SLC9A9: variants seen among roughly 807,000 people sequenced by gnomAD.
SLC9A9 encodes solute carrier family 9 member A9.
A neutral mutation model predicts 77.8 loss-of-function variants in SLC9A9; 62 were observed. The observed-to-expected ratio is 0.80, with a 90% CI of 0.65 to 0.98. The LOEUF is 0.98. Among genes scored for constraint, SLC9A9 ranks in the 50% least tolerant of loss-of-function variants. The pLI is 0.00. For synonymous variants in SLC9A9, 320 were observed against 283.5 expected (o/e 1.13, Z -1.29); for missense variants, 775 against 774.9 (o/e 1.00, Z 0.00).
intron 4 of SLC9A9, among the ~76,000 whole-genome samples, chr3:143,755,215 C>T (rs1199146455): frequency 6.6e-6 from 1 of 152,156 alleles, no homozygotes; most frequent in African/African-American, 2.4e-5. Context: ...GGATGATCCC[C>T]AGCAGCCCCT....
intron 12 of SLC9A9, among the ~76,000 whole-genome samples, chr3:143,402,447 G>GTT (rs11292780): frequency 8.2e-5 from 9 of 110,378 alleles, no homozygotes; most frequent in East Asian, 2.7e-4. Flanking sequence ...GCACCTTTGT[G>GTT]TTTTTTTTTT....
intron 3 of SLC9A9, 37 bp from the exon 4 acceptor site, chr3:143,795,114 G>C: frequency 1.3e-6 from 2 of 1,567,150 alleles, no homozygotes; most frequent in Non-Finnish European, 1.8e-6. Flanking sequence ...GAGTACATCA[G>C]AATTTTTTCT....
At chr3:143,617,021 C>G (rs547404416) in intron 6 of SLC9A9, among the ~76,000 whole-genome samples, 1 of 152,154 alleles carries the variant, frequency 6.6e-6, no homozygotes, top group East Asian at 1.9e-4. Context: ...CAAGAGGGCA[C>G]CTAACACAGC....
intron 9 of SLC9A9, among the ~76,000 whole-genome samples, chr3:143,541,593 G>C (rs145380630): frequency 1.6e-3 from 245 of 152,316 alleles, no homozygotes; most frequent in African/African-American, 5.8e-3. Flanking sequence ...TTTAGAGGCA[G>C]GTGCTGTGTA....
chr3:143,603,382 T>C (rs756890689), intron 6 of SLC9A9, among the ~76,000 whole-genome samples: 2 of 152,226 alleles, frequency 1.3e-5, no homozygotes, highest in Non-Finnish European at 2.9e-5. Flanking sequence ...ACTAGGGTGG[T>C]CTGTGTGACC....
chr3:143,408,123 G>C (rs1237428012), intron 12 of SLC9A9, among the ~76,000 whole-genome samples: 2 of 152,136 alleles, frequency 1.3e-5, no homozygotes, highest in African/African-American at 4.8e-5. Context: ...TCAGATCGGG[G>C]CCCAATGTTT....
intron 6 of SLC9A9, among the ~76,000 whole-genome samples, chr3:143,629,611 G>A (rs931942325): frequency 1.3e-5 from 2 of 151,564 alleles, no homozygotes; most frequent in Middle Eastern, 3.2e-3. Context: ...GTAGTGGGGG[G>A]CAAGGGAGAG....
chr3:143,284,844 A>C (rs1013020689), intron 14 of SLC9A9, among the ~76,000 whole-genome samples: 7 of 152,194 alleles, frequency 4.6e-5, no homozygotes, highest in African/African-American at 1.7e-4. Flanking sequence ...CCTACCCCAC[A>C]ATGAAGTCGT....
At chr3:143,664,120 A>G (rs1352726583) in intron 5 of SLC9A9, among the ~76,000 whole-genome samples, 1 of 152,170 alleles carries the variant, frequency 6.6e-6, no homozygotes, top group Non-Finnish European at 1.5e-5. Flanking sequence ...CAACAGACTA[A>G]CAGCGGATCT....
intron 8 of SLC9A9, among the ~76,000 whole-genome samples, chr3:143,566,754 G>A (rs1163506131): frequency 6.6e-6 from 1 of 152,080 alleles, no homozygotes; most frequent in Non-Finnish European, 1.5e-5. Context: ...CCTGGAAGCA[G>A]GGAAATCATT....
chr3:143,384,196 G>A (rs2033367517), intron 12 of SLC9A9, among the ~76,000 whole-genome samples: 1 of 151,616 alleles, frequency 6.6e-6, no homozygotes, highest in African/African-American at 2.4e-5. Context: ...AAGGGATGAG[G>A]GGAGAACAGC....
intron 4 of SLC9A9, among the ~76,000 whole-genome samples, chr3:143,766,762 C>T (rs143947178): frequency 0.011 from 1,618 of 152,082 alleles, 13 homozygotes; most frequent in Non-Finnish European, 0.016. Flanking sequence ...TTAGTAGAGA[C>T]GGGGTTTCCC....
chr3:143,687,315 A>G (rs977126478), intron 5 of SLC9A9, among the ~76,000 whole-genome samples: 3 of 152,188 alleles, frequency 2.0e-5, no homozygotes, highest in African/African-American at 7.2e-5. Flanking sequence ...TGCAGAGCAT[A>G]GGTTTCCTCT....
intron 14 of SLC9A9, among the ~76,000 whole-genome samples, chr3:143,269,469 A>C (rs75468664): frequency 0.04 from 6,022 of 152,338 alleles, 126 homozygotes; most frequent in Non-Finnish European, 0.051. Context: ...ACTATTCAAC[A>C]GTCACTTTAA....
intron 6 of SLC9A9, among the ~76,000 whole-genome samples, chr3:143,589,783 T>C (rs1290676010): frequency 1.3e-5 from 2 of 152,154 alleles, no homozygotes; most frequent in South Asian, 2.1e-4. Context: ...GGAGCATCAT[T>C]AGATTCAGAT....
intron 14 of SLC9A9, among the ~76,000 whole-genome samples, chr3:143,361,481 T>C (rs2032751244): frequency 6.6e-6 from 1 of 152,176 alleles, no homozygotes; most frequent in Non-Finnish European, 1.5e-5. Flanking sequence ...AAATGCCAAA[T>C]GGATAATTTG....
chr3:143,320,228 T>G (rs1457235736), intron 14 of SLC9A9, among the ~76,000 whole-genome samples: 1 of 152,262 alleles, frequency 6.6e-6, no homozygotes, highest in Non-Finnish European at 1.5e-5. Context: ...TGCCTGGAAC[T>G]TGCCTGGTGC....
chr3:143,708,033 C>T (rs566860178), intron 4 of SLC9A9, among the ~76,000 whole-genome samples: 3 of 152,260 alleles, frequency 2.0e-5, no homozygotes, highest in East Asian at 3.9e-4. Context: ...GGGGATCAAG[C>T]CTCCCTTCTG....
chr3:143,278,661 G>A (rs977930054), intron 14 of SLC9A9, among the ~76,000 whole-genome samples: 7 of 151,386 alleles, frequency 4.6e-5, no homozygotes, highest in Admixed American at 2.0e-4. Context: ...GCAAACCAGT[G>A]ATGTCAGCTT....
Sources: allele counts gnomAD v4.1 joint callset (sites outside exome capture counted in the v4.1 genomes callset), GRCh38; gene constraint gnomAD v4.1.1; transcripts MANE v1.5; gene names NCBI Gene and HGNC (gene_info 2026-07-23, HGNC 2026-07-21).